DACH2: variants seen among roughly 807,000 people sequenced by gnomAD.
DACH2 encodes the protein dachshund family transcription factor 2, also known as dachshund homolog 2.
In DACH2, 17 loss-of-function variants were observed where a neutral mutation model predicts 35.8. The observed-to-expected ratio is 0.48, with a 90% CI of 0.33 to 0.71. The LOEUF (loss-of-function observed/expected upper bound fraction) is 0.71, where lower values mean the gene tolerates loss of function less well. DACH2 is among the 30% of genes least tolerant of loss of function. DACH2 has a pLI of 0.02. For synonymous variants in DACH2, 195 were observed against 177.3 expected, an observed-to-expected ratio of 1.10 and a Z score of -0.79; for missense variants, 469 against 472.7, an observed-to-expected ratio of 0.99 and a Z score of 0.07.
At chrX:86,769,631 T>G (rs1166100261) in intron 7 of DACH2, among the ~76,000 whole-genome samples, 2 of 111,913 alleles carry the variant, frequency 1.8e-5, no homozygotes, top group Admixed American at 1.9e-4. Context: ...TTATACTTTT[T>G]TTAAATTCTA....
At chrX:86,615,448 G>A (rs573722182) in intron 3 of DACH2, among the ~76,000 whole-genome samples, 228 of 111,398 alleles carry the variant, frequency 2.0e-3, no homozygotes, top group Middle Eastern at 0.019. Context: ...GATCACCTTG[G>A]TCTGGTGGCA....
At chrX:86,506,641 T>C (rs2038327308) in intron 2 of DACH2, among the ~76,000 whole-genome samples, 1 of 111,430 alleles carries the variant, frequency 9.0e-6, no homozygotes, top group Non-Finnish European at 1.9e-5. Flanking sequence ...GTGATCCTCC[T>C]TCCTCAGCCT....
intron 7 of DACH2, among the ~76,000 whole-genome samples, chrX:86,806,383 C>T (rs6617264): frequency 0.22 from 24,448 of 110,269 alleles, 2,114 homozygotes; most frequent in East Asian, 0.48. Flanking sequence ...TCCACTCCCA[C>T]GATCCAATCA....
intron 3 of DACH2, among the ~76,000 whole-genome samples, chrX:86,650,592 T>C (rs1232531200): frequency 3.6e-5 from 4 of 111,847 alleles, no homozygotes. Flanking sequence ...CCAAAATAAC[T>C]GTCCAAAACT....
intron 1 of DACH2, among the ~76,000 whole-genome samples, chrX:86,261,813 T>C (rs750772135): frequency 9.0e-6 from 1 of 111,541 alleles, no homozygotes; most frequent in African/African-American, 3.3e-5. Flanking sequence ...CCTTCTGCAC[T>C]GTAAGCTGTC....
intron 2 of DACH2, among the ~76,000 whole-genome samples, chrX:86,464,783 C>T (rs909394543): frequency 1.8e-5 from 2 of 111,761 alleles, no homozygotes; most frequent in East Asian, 5.6e-4. Flanking sequence ...TAACTTTCAG[C>T]TGCTAAAAAC....
chrX:86,156,208 A>G (rs771569110), intron 1 of DACH2, among the ~76,000 whole-genome samples: 6 of 111,580 alleles, frequency 5.4e-5, no homozygotes, highest in Non-Finnish European at 1.1e-4. Flanking sequence ...AATTTGTTAC[A>G]TAAAACAAAA....
chrX:86,689,075 G>T, intron 4 of DACH2, among the ~76,000 whole-genome samples: 1 of 111,543 alleles, frequency 9.0e-6, no homozygotes, highest in South Asian at 3.8e-4. Flanking sequence ...ATCACCCTGT[G>T]GTGTGGCTCT....
chrX:86,515,854 G>T, intron 3 of DACH2, among the ~76,000 whole-genome samples: 1 of 112,718 alleles, frequency 8.9e-6, no homozygotes, highest in South Asian at 3.6e-4. Flanking sequence ...TGAAGGTAAT[G>T]AAATGAAGGA....
intron 4 of DACH2, among the ~76,000 whole-genome samples, chrX:86,655,658 T>C (rs1017942320): frequency 1.8e-5 from 2 of 110,962 alleles, no homozygotes; most frequent in African/African-American, 6.5e-5. Flanking sequence ...AAAGGCAATA[T>C]GTTGGTAGTC....
At chrX:86,361,879 G>C (rs1007442629) in intron 1 of DACH2, among the ~76,000 whole-genome samples, 1 of 110,539 alleles carries the variant, frequency 9.0e-6, no homozygotes, top group Non-Finnish European at 1.9e-5. Flanking sequence ...TATTTATCTT[G>C]CAACCTTTAT....
At chrX:86,399,545 C>G (rs909156839) in intron 2 of DACH2, among the ~76,000 whole-genome samples, 12 of 111,770 alleles carry the variant, frequency 1.1e-4, no homozygotes, top group Non-Finnish European at 1.3e-4. Context: ...ATGTTTAGTG[C>G]TTCCTTCAGG....
chrX:86,823,739 C>G (rs527457850), intron 11 of DACH2, among the ~76,000 whole-genome samples: 1 of 111,377 alleles, frequency 9.0e-6, no homozygotes, highest in East Asian at 2.8e-4. Flanking sequence ...GCTGGGCCAC[C>G]GGGGGTGACA....
intron 1 of DACH2, among the ~76,000 whole-genome samples, chrX:86,169,601 T>G (rs1158507351): frequency 3.6e-5 from 4 of 110,463 alleles, no homozygotes; most frequent in Non-Finnish European, 7.6e-5. Flanking sequence ...TTGTCTCCTC[T>G]GTGTATTTTC....
chrX:86,237,281 A>G (rs1177297903), intron 1 of DACH2, among the ~76,000 whole-genome samples: 2 of 111,892 alleles, frequency 1.8e-5, no homozygotes, highest in Non-Finnish European at 3.8e-5. Flanking sequence ...TTTAATAAGT[A>G]GAAGGAGTAC....
rs955849645 is a variant in DACH2 at position 86,148,524 on chromosome X, A to G, written c.-97A>G. 3 of 974,815 alleles carry G rather than the reference A, an allele frequency of 3.1e-6. No homozygotes were observed. The highest frequency in any genetic ancestry group is 1.4e-6 in the Non-Finnish European group (1 of 731,074). 80.3% of individuals were successfully genotyped at this position (974,815 alleles called of 1,213,427 possible). On this transcript the variant is annotated 5_prime_UTR_variant, in exon 1 of 12. Transcript: ENST00000373125. ...AGTTCGGAGCCAGCGAGAGCGCGCC[A>G]GAGAGAGCGAGAGTGAGGGAGTGAG...
At chrX:86,303,461 A>C (rs1346640319) in intron 1 of DACH2, among the ~76,000 whole-genome samples, 1 of 110,583 alleles carries the variant, frequency 9.0e-6, no homozygotes, top group African/African-American at 3.3e-5. Context: ...AGCTGTCCAA[A>C]GACAGAATAG....
intron 6 of DACH2, among the ~76,000 whole-genome samples, chrX:86,719,943 C>CTTTTTTTTTTTT (rs35089560): frequency 3.1e-5 from 2 of 63,583 alleles, no homozygotes; most frequent in African/African-American, 6.2e-5. Flanking sequence ...TTTTTTTTTT[C>CTTTTTTTTTTTT]TTTTTTTTTT....
chrX:86,328,767 A>G (rs1252469593), intron 1 of DACH2, among the ~76,000 whole-genome samples: 1 of 111,714 alleles, frequency 9.0e-6, no homozygotes, highest in Non-Finnish European at 1.9e-5. Flanking sequence ...TAGATAGAGT[A>G]TAAGCCTTTT....
Sources: gnomAD v4.1 joint callset for allele counts (sites outside exome capture counted in the v4.1 genomes callset) on GRCh38, gnomAD v4.1.1 for gene constraint, MANE v1.5 for transcripts, NCBI Gene and HGNC (gene_info 2026-07-23, HGNC 2026-07-21) for gene names.